Variants in MARCHF1 observed in about 807,000 individuals in gnomAD.
MARCHF1 encodes membrane associated ring-CH-type finger 1.
In MARCHF1, 40 loss-of-function variants were observed where a neutral mutation model predicts 54.2. That is an observed-to-expected ratio of 0.74 (90% confidence interval 0.57 to 0.96). The LOEUF (loss-of-function observed/expected upper bound fraction) is 0.96, where lower values mean the gene tolerates loss of function less well. Among genes scored for constraint, MARCHF1 ranks in the 40% least tolerant of loss-of-function variants. The pLI, the probability that MARCHF1 is intolerant of heterozygous loss-of-function variation, is 0.00. For synonymous variants in MARCHF1, 236 were observed against 236.3 expected, an observed-to-expected ratio of 1.00 and a Z score of 0.01; for missense variants, 586 against 656.5, an observed-to-expected ratio of 0.89 and a Z score of 1.17.
intron 1 of MARCHF1, among the ~76,000 whole-genome samples, chr4:164,257,975 C>T (rs372139182): frequency 3.3e-5 from 5 of 152,204 alleles, no homozygotes; most frequent in East Asian, 1.9e-4. Flanking sequence ...CAGCACTGTT[C>T]ACAATAGCAA....
intron 7 of MARCHF1, among the ~76,000 whole-genome samples, chr4:163,588,032 A>G (rs1392971328): frequency 6.6e-6 from 1 of 152,106 alleles, no homozygotes; most frequent in Non-Finnish European, 1.5e-5. Flanking sequence ...AGAGACCTCA[A>G]AGTAAAACAG....
chr4:163,613,254 A>C, intron 6 of MARCHF1, 60 bp downstream of exon 6: 1 of 1,510,146 alleles, frequency 6.6e-7, no homozygotes, highest in Non-Finnish European at 8.9e-7. Flanking sequence ...CAGAACAAAC[A>C]ACAAGAATAC....
chr4:163,864,126 T>C (rs1265112826), intron 3 of MARCHF1, among the ~76,000 whole-genome samples: 3 of 152,004 alleles, frequency 2.0e-5, no homozygotes, highest in South Asian at 2.1e-4. Flanking sequence ...TCCCACACCA[T>C]TGTGAACTGT....
At chr4:163,762,314 GT>G (rs1287210057) in intron 4 of MARCHF1, among the ~76,000 whole-genome samples, 1 of 152,038 alleles carries the variant, frequency 6.6e-6, no homozygotes, top group Admixed American at 6.6e-5. Context: ...CTAACAATTG[GT>G]GAAGTGTTAC....
At chr4:163,558,779 C>T (rs977593783) in intron 8 of MARCHF1, among the ~76,000 whole-genome samples, 2 of 152,176 alleles carry the variant, frequency 1.3e-5, no homozygotes, top group African/African-American at 4.8e-5. Flanking sequence ...CTGCGTGGAG[C>T]GTGCCCTAGA....
chr4:163,805,411 TA>T (rs1579300618), intron 4 of MARCHF1, among the ~76,000 whole-genome samples: 1 of 151,456 alleles, frequency 6.6e-6, no homozygotes, highest in Non-Finnish European at 1.5e-5. Context: ...GATACAAGAT[TA>T]AAAAATGAGT....
chr4:164,361,673 T>A (rs1241894830), intron 1 of MARCHF1, among the ~76,000 whole-genome samples: 1 of 152,134 alleles, frequency 6.6e-6, no homozygotes, highest in Non-Finnish European at 1.5e-5. Flanking sequence ...TCCTTCACCA[T>A]GAGAATTTAT....
chr4:163,678,712 T>A (rs1349017660), intron 5 of MARCHF1, among the ~76,000 whole-genome samples: 14 of 152,242 alleles, frequency 9.2e-5, no homozygotes, highest in Non-Finnish European at 2.9e-5. Context: ...TACTTGATGC[T>A]TTCAGGAATA....
chr4:164,100,822 G>C (rs1018452142), intron 2 of MARCHF1, among the ~76,000 whole-genome samples: 1 of 152,218 alleles, frequency 6.6e-6, no homozygotes, highest in African/African-American at 2.4e-5. Context: ...GCAGAAGACA[G>C]GTGATTTCTG....
chr4:163,903,065 C>G (rs1750976138), intron 3 of MARCHF1, among the ~76,000 whole-genome samples: 1 of 152,044 alleles, frequency 6.6e-6, no homozygotes, highest in African/African-American at 2.4e-5. Context: ...TAATAACTAC[C>G]CATTCTTTAA....
chr4:164,142,514 CCT>C (rs1383011672), intron 1 of MARCHF1, among the ~76,000 whole-genome samples: 9 of 152,186 alleles, frequency 5.9e-5, no homozygotes, highest in African/African-American at 2.2e-4. Context: ...GTCCCTGACC[CCT>C]GACCCCCCAG....
At chr4:163,728,102 C>T (rs1745717351) in intron 4 of MARCHF1, among the ~76,000 whole-genome samples, 1 of 152,188 alleles carries the variant, frequency 6.6e-6, no homozygotes, top group Non-Finnish European at 1.5e-5. Flanking sequence ...CACAATACCA[C>T]ACTGTAGCTG....
At chr4:163,642,697 C>T (rs992013160) in intron 5 of MARCHF1, among the ~76,000 whole-genome samples, 1 of 151,998 alleles carries the variant, frequency 6.6e-6, no homozygotes, top group Non-Finnish European at 1.5e-5. Context: ...TGGTTTGTTC[C>T]TCCAGAACTC....
chr4:163,744,169 C>T (rs1746290228), intron 4 of MARCHF1, among the ~76,000 whole-genome samples: 1 of 152,190 alleles, frequency 6.6e-6, no homozygotes, highest in Non-Finnish European at 1.5e-5. Context: ...TTACTGTGTG[C>T]ATTTATTTCG....
chr4:164,214,711 TA>T (rs2111129572), intron 1 of MARCHF1, among the ~76,000 whole-genome samples: 2 of 152,332 alleles, frequency 1.3e-5, no homozygotes, highest in South Asian at 4.1e-4. Context: ...TATTTTAGTA[TA>T]TTTAAAAAAT....
At chr4:163,789,501 CT>C (rs1747712606) in intron 4 of MARCHF1, among the ~76,000 whole-genome samples, 1 of 151,576 alleles carries the variant, frequency 6.6e-6, no homozygotes, top group South Asian at 2.1e-4. Context: ...ACTTAAAAGT[CT>C]TTTTAAAAAA....
intron 3 of MARCHF1, among the ~76,000 whole-genome samples, chr4:163,944,859 G>A (rs1329926550): frequency 3.3e-5 from 5 of 152,104 alleles, no homozygotes; most frequent in Non-Finnish European, 7.4e-5. Flanking sequence ...TTTTGCAAGA[G>A]TAATATCAAT....
At chr4:163,773,922 A>G (rs1172032824) in intron 4 of MARCHF1, among the ~76,000 whole-genome samples, 1 of 152,176 alleles carries the variant, frequency 6.6e-6, no homozygotes, top group Non-Finnish European at 1.5e-5. Flanking sequence ...CAAGCCAAAT[A>G]AAACAGGTCC....
At chr4:163,843,050 G>T (rs967818887) in intron 4 of MARCHF1, among the ~76,000 whole-genome samples, 3 of 151,956 alleles carry the variant, frequency 2.0e-5, no homozygotes, top group Non-Finnish European at 2.9e-5. Context: ...GGTGTTTATT[G>T]CTTCCCCTCT....
Sources: gnomAD v4.1 joint callset for allele counts (sites outside exome capture counted in the v4.1 genomes callset) on GRCh38, gnomAD v4.1.1 for gene constraint, MANE v1.5 for transcripts, NCBI Gene and HGNC (gene_info 2026-07-23, HGNC 2026-07-21) for gene names.